PDE4D: variants seen among roughly 807,000 people sequenced by gnomAD.
PDE4D encodes the protein phosphodiesterase 4D, also known as 3',5'-cyclic-AMP phosphodiesterase 4D.
PDE4D carries 24 observed loss-of-function variants against 87.4 expected under a neutral mutation model. The ratio of observed to expected loss-of-function variants is 0.27; its 90% CI spans 0.20 to 0.39. PDE4D has a LOEUF of 0.39. Ranked by LOEUF, PDE4D falls within the 10% of genes least tolerant of loss-of-function variation. PDE4D has a pLI of 1.00. For missense variants in PDE4D, 714 were observed against 1,041.0 expected, an observed-to-expected ratio of 0.69 and a Z score of 4.32; for synonymous variants, 384 against 383.2, an observed-to-expected ratio of 1.00 and a Z score of -0.02.
intron 1 of PDE4D, among the ~76,000 whole-genome samples, chr5:60,329,911 T>C (rs1305482050): frequency 6.6e-6 from 1 of 152,220 alleles, no homozygotes; most frequent in East Asian, 1.9e-4. Context: ...AATAACATAA[T>C]AGCCATTAAT....
At chr5:59,284,922 T>G (rs1208003186) in intron 1 of PDE4D, among the ~76,000 whole-genome samples, 1 of 47,348 alleles carries the variant, frequency 2.1e-5, no homozygotes, top group African/African-American at 8.4e-5. Flanking sequence ...GGGACATGGA[T>G]GAAATTGGAA....
intron 1 of PDE4D, among the ~76,000 whole-genome samples, chr5:60,506,094 A>AT (rs1750309176): frequency 1.3e-5 from 2 of 152,238 alleles, no homozygotes; most frequent in Admixed American, 1.3e-4. Context: ...GCAAGCTCTG[A>AT]AAGGTGGCTA....
chr5:59,940,562 G>T (rs1440023008), intron 3 of PDE4D, among the ~76,000 whole-genome samples: 1 of 152,166 alleles, frequency 6.6e-6, no homozygotes, highest in Non-Finnish European at 1.5e-5. Context: ...TTTTGATTTT[G>T]AAAGTAGATG....
chr5:59,356,739 A>T, intron 1 of PDE4D: 1 of 1,564,184 alleles, frequency 6.4e-7, no homozygotes. Flanking sequence ...TCCTAGCTAC[A>T]AAAGGAAAAG....
chr5:60,267,722 C>G (rs1562273206), intron 1 of PDE4D, among the ~76,000 whole-genome samples: 1 of 152,172 alleles, frequency 6.6e-6, no homozygotes, highest in Non-Finnish European at 1.5e-5. Context: ...TGATTCAGGG[C>G]TCTCCACAGA....
intron 1 of PDE4D, among the ~76,000 whole-genome samples, chr5:59,254,024 G>A (rs1020710860): frequency 3.9e-5 from 6 of 152,074 alleles, no homozygotes; most frequent in African/African-American, 1.4e-4. Context: ...ACCACTATAG[G>A]TAGGTTTTGT....
intron 1 of PDE4D, among the ~76,000 whole-genome samples, chr5:59,462,730 G>A (rs528477846): frequency 6.6e-6 from 1 of 152,192 alleles, no homozygotes; most frequent in Admixed American, 6.5e-5. Flanking sequence ...ATACGTCTTA[G>A]GATTTAAACC....
intron 1 of PDE4D, chr5:59,529,057 C>A: frequency 2.1e-6 from 1 of 467,834 alleles, no homozygotes; most frequent in Non-Finnish European, 4.3e-6. Context: ...AAGATCTTGC[C>A]TTAATTCGTT....
intron 1 of PDE4D, among the ~76,000 whole-genome samples, chr5:60,246,178 C>T (rs188865991): frequency 2.0e-5 from 3 of 151,514 alleles, no homozygotes; most frequent in African/African-American, 7.2e-5. Context: ...ACTTTCATTG[C>T]TTCTCATACA....
At chr5:58,992,475 A>G (rs550593518) in intron 7 of PDE4D, among the ~76,000 whole-genome samples, 1 of 152,300 alleles carries the variant, frequency 6.6e-6, no homozygotes, top group Non-Finnish European at 1.5e-5. Context: ...ATATAAAACT[A>G]ACAGCTAACT....
intron 3 of PDE4D, among the ~76,000 whole-genome samples, chr5:59,974,848 G>T (rs1225811305): frequency 6.6e-6 from 1 of 151,892 alleles, no homozygotes; most frequent in Non-Finnish European, 1.5e-5. Flanking sequence ...TATTCAATCA[G>T]TTTCTCTGGA....
chr5:59,913,810 C>A (rs953017086), intron 3 of PDE4D, among the ~76,000 whole-genome samples: 1 of 151,866 alleles, frequency 6.6e-6, no homozygotes, highest in African/African-American at 2.4e-5. Context: ...CATGAAATAT[C>A]AATGCTAGAA....
At chr5:60,149,061 G>T (rs1781268396) in intron 2 of PDE4D, among the ~76,000 whole-genome samples, 1 of 152,190 alleles carries the variant, frequency 6.6e-6, no homozygotes, top group Non-Finnish European at 1.5e-5. Context: ...TTAAGAAACT[G>T]TGGTCAATAA....
intron 1 of PDE4D, among the ~76,000 whole-genome samples, chr5:60,318,371 T>C (rs1322210709): frequency 2.0e-5 from 3 of 152,210 alleles, no homozygotes; most frequent in Admixed American, 6.5e-5. Flanking sequence ...TTTGAGCCTA[T>C]GTGTGTCTCT....
rs1412000955 is a variant in PDE4D at position 59,409,282 on chromosome 5, A to G, written c.456-193314T>C. ...AACTCATTTCCAGACAAGATTTTGTATTTGGACTTGGGACTTTTGAGTTAA... is the reference window on the plus strand; with the variant it reads ...AACTCATTTCCAGACAAGATTTTGTGTTTGGACTTGGGACTTTTGAGTTAA... On this transcript the variant is annotated intron_variant, in intron 1 of 14. Coordinates refer to ENST00000340635, the MANE Select transcript of PDE4D (RefSeq NM_001104631.2). Among the ~76,000 whole-genome samples, 3 of 152,076 alleles carry G rather than the reference A, an allele frequency of 2.0e-5. No individual in the cohort carries two copies. In the East Asian group the frequency reaches 5.8e-4, roughly 29 times the overall value.
At chr5:60,493,396 T>C (rs1018916736) in intron 1 of PDE4D, among the ~76,000 whole-genome samples, 1 of 152,236 alleles carries the variant, frequency 6.6e-6, no homozygotes, top group African/African-American at 2.4e-5. Context: ...TGCTGAATTC[T>C]CAGCTTAAAT....
intron 1 of PDE4D, among the ~76,000 whole-genome samples, chr5:59,867,537 T>A (rs978895020): frequency 6.6e-6 from 1 of 152,144 alleles, no homozygotes; most frequent in Non-Finnish European, 1.5e-5. Context: ...AAAATCCTTT[T>A]AAAAAATATG....
At chr5:59,840,615 G>A (rs1013303722) in intron 1 of PDE4D, among the ~76,000 whole-genome samples, 1 of 152,024 alleles carries the variant, frequency 6.6e-6, no homozygotes, top group Non-Finnish European at 1.5e-5. Flanking sequence ...CTGGAAAAAG[G>A]GAGATTTAGA....
In PDE4D at chr5:59,718,134, A is replaced by G. The variant is rs186306065; in HGVS notation, c.455+175034T>C. ...TTACACTATTCCCAGTGATATTCCC[A>G]TTTATCTTCAATGCCTCTCTGATGT... is the stretch of plus-strand genomic sequence containing the variant. On this transcript the variant is annotated intron_variant, in intron 1 of 14. Transcript: ENST00000340635. Among the ~76,000 whole-genome samples the G allele has an allele frequency of 9.2e-5, 14 of 152,238 alleles. No homozygotes were observed. In the East Asian group the frequency reaches 2.1e-3, roughly 23 times the overall value.
Sources: allele counts gnomAD v4.1 joint callset (sites outside exome capture counted in the v4.1 genomes callset), GRCh38; gene constraint gnomAD v4.1.1; transcripts MANE v1.5; gene names NCBI Gene and HGNC (gene_info 2026-07-23, HGNC 2026-07-21).